Variants in RIPK1 observed in about 807,000 individuals in gnomAD.
RIPK1 encodes the protein receptor-interacting serine/threonine-protein kinase 1.
A neutral mutation model predicts 62.4 loss-of-function variants in RIPK1; 27 were observed. That is an observed-to-expected ratio of 0.43 (90% CI 0.32 to 0.60). The LOEUF (loss-of-function observed/expected upper bound fraction) is 0.60. Among genes scored for constraint, RIPK1 ranks in the 20% least tolerant of loss-of-function variants. RIPK1 has a pLI of 0.07. For synonymous variants in RIPK1, 287 were observed against 303.2 expected (o/e 0.95, Z 0.55); for missense variants, 735 against 831.0 (o/e 0.88, Z 1.42).
intron 6 of RIPK1, among the ~76,000 whole-genome samples, chr6:3,086,232 G>T (rs1258229239): frequency 6.6e-6 from 1 of 152,174 alleles, no homozygotes; most frequent in Non-Finnish European, 1.5e-5. Flanking sequence ...TTAACTGTTG[G>T]GACTAATGCA....
At position 3,068,540 on chromosome 6, in the gene RIPK1, G is replaced by T. The variant is rs1758500722; in HGVS notation, c.-182G>T. 6 of 985,346 alleles carry T rather than the reference G, an allele frequency of 6.1e-6. No individual in the cohort carries two copies. Among genetic ancestry groups the T allele is most frequent in the Non-Finnish European group, 6.0e-6 (5 of 829,938 alleles). The allele number at this position is 985,346 out of a possible 1,614,324, so 61.0% of individuals were successfully genotyped here. On this transcript the variant is annotated 5_prime_UTR_variant, in exon 1 of 11. Coordinates refer to ENST00000259808, the MANE Select transcript of RIPK1 (RefSeq NM_001354930.2). ...CGCGCTCGACGCGGACGGCGGGCCA[G>T]CTGCCGGAGCGCGGCGACTCCAGGG...
chr6:3,101,105 C>T (rs777455803), intron 7 of RIPK1, among the ~76,000 whole-genome samples: 7 of 151,862 alleles, frequency 4.6e-5, no homozygotes, highest in Non-Finnish European at 1.0e-4. Flanking sequence ...TGGCAAAAAC[C>T]GATCTCTACA....
chr6:3,109,555 C>T (rs550228482), intron 9 of RIPK1, among the ~76,000 whole-genome samples: 1 of 152,150 alleles, frequency 6.6e-6, no homozygotes, highest in South Asian at 2.1e-4. Flanking sequence ...CGTGGGATCC[C>T]GCTGGGAAGT....
chr6:3,103,187 GTTGT>G (rs1280596301), intron 7 of RIPK1, among the ~76,000 whole-genome samples: 1 of 150,142 alleles, frequency 6.7e-6, no homozygotes, highest in Non-Finnish European at 1.5e-5. Flanking sequence ...TTTGAATTGG[GTTGT>G]TTGTTTTTTG....
At chr6:3,075,933 A>G (rs982032258) in intron 1 of RIPK1, among the ~76,000 whole-genome samples, 2 of 151,682 alleles carry the variant, frequency 1.3e-5, no homozygotes, top group African/African-American at 2.4e-5. Context: ...CCTTTCATCA[A>G]AGGGTTGCAC....
In RIPK1 at chr6:3,114,547, G is replaced by A. The variant is rs1761315395; in HGVS notation, c.*1208G>A. On this transcript the variant is annotated 3_prime_UTR_variant, in exon 11 of 11. Coordinates refer to ENST00000259808, the MANE Select transcript of RIPK1 (RefSeq NM_001354930.2). The surrounding 1 kb of genome is among the most constrained non-coding windows in gnomAD (Gnocchi z 5.0). ...GTGTGCTTAGCTCTCCCCAGAGGGA[G>A]GGCGAGAAGGGTGTGGTGATGGTCA... 1 of 152,300 alleles carries A rather than the reference G, an allele frequency of 6.6e-6. No individual in the cohort carries two copies. Among genetic ancestry groups the A allele is most frequent in the African/African-American group, 2.4e-5 (1 of 41,440 alleles). 9.4% of individuals were successfully genotyped at this position (152,300 alleles called of 1,614,324 possible). A position where few individuals can be genotyped will look rare whatever the true frequency, so the allele number is the denominator to read the frequency against.
intron 1 of RIPK1, among the ~76,000 whole-genome samples, chr6:3,075,080 C>T (rs1302745145): frequency 2.6e-5 from 4 of 152,330 alleles, no homozygotes; most frequent in African/African-American, 9.6e-5. Flanking sequence ...CCAGTGTGTC[C>T]GTGTCCTGTT....
intron 4 of RIPK1, among the ~76,000 whole-genome samples, chr6:3,081,650 C>T (rs1461466290): frequency 3.3e-5 from 5 of 151,932 alleles, no homozygotes; most frequent in East Asian, 1.9e-4. Context: ...CACCTGAGGT[C>T]GGGAGTTCGA....
intron 1 of RIPK1, among the ~76,000 whole-genome samples, chr6:3,069,404 A>G (rs1758572557): frequency 6.7e-6 from 1 of 150,228 alleles, no homozygotes. Flanking sequence ...GGTTGGGAAG[A>G]GGATAGGCTG....
intron 3 of RIPK1, among the ~76,000 whole-genome samples, 178 bp from the exon 4 acceptor site, chr6:3,080,801 C>G (rs1343192634): frequency 8.0e-6 from 1 of 125,024 alleles, no homozygotes; most frequent in Non-Finnish European, 1.6e-5. Context: ...TACCCTCTGC[C>G]CCCCCCCGAA....
At chr6:3,074,382 T>A (rs1270214371) in intron 1 of RIPK1, among the ~76,000 whole-genome samples, 1 of 152,274 alleles carries the variant, frequency 6.6e-6, no homozygotes, top group African/African-American at 2.4e-5. Flanking sequence ...AGTTCATTTT[T>A]ATTGCTGAGT....
At chr6:3,081,860 T>TAAAAAAAAAAAAAA (rs58330257) in intron 4 of RIPK1, among the ~76,000 whole-genome samples, 1 of 22,852 alleles carries the variant, frequency 4.4e-5, no homozygotes, top group African/African-American at 1.1e-4. Flanking sequence ...AACTCTGCCT[T>TAAAAAAAAAAAAAA]AAAAAAAAAA....
At chr6:3,101,437 A>C (rs1760584614) in intron 7 of RIPK1, among the ~76,000 whole-genome samples, 1 of 152,250 alleles carries the variant, frequency 6.6e-6, no homozygotes, top group African/African-American at 2.4e-5. Flanking sequence ...CCTGGGCGAC[A>C]GAGGCAGATT....
upstream of RIPK1, among the ~76,000 whole-genome samples, chr6:3,065,934 A>G (rs1055072210): frequency 4.6e-5 from 7 of 152,006 alleles, no homozygotes; most frequent in Admixed American, 2.6e-4. Context: ...CGCATTTCCA[A>G]CCTCCCAAGG....
chr6:3,085,424 C>G lies in RIPK1; in HGVS notation c.838+16C>G. The G allele has an allele frequency of 1.2e-6, 2 of 1,613,968 alleles. No homozygotes were observed. Among genetic ancestry groups the G allele is most frequent in the South Asian group, 2.2e-5 (2 of 91,066 alleles). ...ACATTTCCTGGTAAGAGCATCTTTT[C>G]TGACTGTGTAGGATGCATCCTGTGT... is the stretch of plus-strand genomic sequence containing the variant. On this transcript the variant is annotated intron_variant, in intron 6 of 10. Transcript: ENST00000259808.
chr6:3,086,107 C>T (rs1361279808), intron 6 of RIPK1, among the ~76,000 whole-genome samples: 2 of 151,992 alleles, frequency 1.3e-5, no homozygotes, highest in Non-Finnish European at 2.9e-5. Flanking sequence ...CTAGATTGGC[C>T]TTGTCATACA....
At chr6:3,103,356 A>G (rs1387226482) in intron 7 of RIPK1, among the ~76,000 whole-genome samples, 7 of 150,824 alleles carry the variant, frequency 4.6e-5, no homozygotes, top group Admixed American at 4.0e-4. Context: ...ACTGGAGTGC[A>G]GTGGCAGAAT....
intron 6 of RIPK1, among the ~76,000 whole-genome samples, chr6:3,088,456 G>A (rs1356595515): frequency 6.6e-6 from 1 of 152,240 alleles, no homozygotes; most frequent in East Asian, 1.9e-4. Flanking sequence ...TGCCATGTGG[G>A]GCAAATCCAG....
chr6:3,105,650 A>C lies in RIPK1; in HGVS notation c.1175A>C (p.Asp392Ala). The C allele has an allele frequency of 1.2e-6, 2 of 1,614,074 alleles. No homozygotes were observed. The highest frequency in any genetic ancestry group is 2.2e-5 in the South Asian group (2 of 91,068). Residue 392 changes from aspartate to alanine, a missense_variant, in exon 9 of 11, where the codon GAC (aspartate) becomes GCC (alanine). By Grantham distance (126) the Asp-to-Ala change is moderately radical (BLOSUM62 -2). Transcript: ENST00000259808. This position sits in a 1 kb window ranked among gnomAD's most constrained non-coding sequence, Gnocchi z 4.5. ...TACCATCTTTATGGCAGCCGCATGG[A>C]CAGGCAGACGAAACAGCAGCCCAGA... ...ANYHLYGSRM[D>A]RQTKQQPRQN... is the part of the protein sequence containing the mutation.
Sources: gnomAD v4.1 joint callset for allele counts (sites outside exome capture counted in the v4.1 genomes callset) on GRCh38, gnomAD v4.1.1 for gene constraint, Gnocchi (gnomAD v3.1) non-coding constraint, MANE v1.5 for transcripts, NCBI Gene and HGNC (gene_info 2026-07-23, HGNC 2026-07-21) for gene names.